SDK2: variants seen among roughly 807,000 people sequenced by gnomAD.
SDK2 encodes sidekick cell adhesion molecule 2, also known as protein sidekick-2.
In SDK2, 105 loss-of-function variants were observed where a neutral mutation model predicts 253.9. That is an observed-to-expected ratio of 0.41 (90% CI 0.35 to 0.49). The LOEUF is 0.49. Ranked by LOEUF, SDK2 falls within the 20% of genes least tolerant of loss-of-function variation. SDK2 has a pLI of 0.06. For synonymous variants in SDK2, 1,249 were observed against 1,234.9 expected (o/e 1.01, Z -0.24); for missense variants, 2,608 against 3,003.0 (o/e 0.87, Z 3.07).
At chr17:73,557,721 T>C (rs1003208990) in intron 1 of SDK2, among the ~76,000 whole-genome samples, 1 of 152,140 alleles carries the variant, frequency 6.6e-6, no homozygotes, top group Admixed American at 6.5e-5. Context: ...TCCTTCCTTG[T>C]TTTTGGGTTG....
rs938872829 is a variant in SDK2 at position 73,616,310 on chromosome 17, C to A, written c.64+27715G>T. On this transcript the variant is annotated intron_variant, in intron 1 of 44. Transcript: ENST00000392650. The surrounding 1 kb of genome is among the most constrained non-coding windows in gnomAD (Gnocchi z 5.2). ...CCTGTCTGAGCTAGACAAATTTCCA[C>A]CCCCGGCTCCCCACCTCAACAGTCT... is the stretch of plus-strand genomic sequence containing the variant. Among the ~76,000 whole-genome samples the A allele has an allele frequency of 6.6e-6, 1 of 151,998 alleles. No individual in the cohort carries two copies. The highest frequency in any genetic ancestry group is 2.4e-5 in the African/African-American group (1 of 41,360).
intron 11 of SDK2, 41 bp from the exon 12 acceptor site, chr17:73,430,654 G>T: frequency 7.2e-7 from 1 of 1,384,152 alleles, no homozygotes; most frequent in East Asian, 2.7e-5. Context: ...GAAGAGGTGT[G>T]GGGGCTGTGT....
Position 73,462,115 on chromosome 17 carries a change from G to A in SDK2, c.332-6062C>T, listed in dbSNP as rs115819770. Among the ~76,000 whole-genome samples, 325 of 152,114 alleles carry A rather than the reference G, an allele frequency of 2.1e-3. 3 individuals are homozygous for A. The highest frequency in any genetic ancestry group is 7.6e-3 in the African/African-American group (316 of 41,488). ...GTGGGATGGATGGTTGTTTATGCAC[G>A]TTTGCATGCATGCATGTTTGGTGGG... On this transcript the variant is annotated intron_variant, in intron 3 of 44. Transcript: ENST00000392650.
At chr17:73,446,193 A>G (rs2063452059) in intron 5 of SDK2, among the ~76,000 whole-genome samples, 1 of 152,136 alleles carries the variant, frequency 6.6e-6, no homozygotes, top group African/African-American at 2.4e-5. Context: ...GGATTCCATG[A>G]GACTCCAGGG....
At position 73,379,405 on chromosome 17, in the gene SDK2, T is replaced by C; in HGVS notation, c.4864+43A>G. 4 of 1,544,422 alleles carry C rather than the reference T, an allele frequency of 2.6e-6. No individual in the cohort carries two copies. The highest frequency in any genetic ancestry group is 3.5e-6 in the Non-Finnish European group (4 of 1,128,158). On this transcript the variant is annotated intron_variant, in intron 35 of 44. Transcript: ENST00000392650. This position sits in a 1 kb window ranked among gnomAD's most constrained non-coding sequence, Gnocchi z 4.5. Reference sequence around the variant, plus strand: ...TTCTTCCAGCTGAACTGGGTGGGGCTGGGAAAGGCATGCTGGGGCCGGACA... The same window carrying C: ...TTCTTCCAGCTGAACTGGGTGGGGCCGGGAAAGGCATGCTGGGGCCGGACA...
At chr17:73,365,813 C>T (rs749607038) in intron 37 of SDK2, among the ~76,000 whole-genome samples, 32 of 152,066 alleles carry the variant, frequency 2.1e-4, no homozygotes, top group Non-Finnish European at 4.1e-4. Context: ...TCAGAATATT[C>T]GGTAGGCGCT....
chr17:73,348,393 G>A lies in SDK2; in HGVS notation c.6165+206C>T, dbSNP rs962720066. ...GGTACCCCCTATGATCAAGGTTCCC[G>A]GGACCCCATTGGCACTGGCCGCAAA... On this transcript the variant is annotated intron_variant, in intron 44 of 44. Transcript: ENST00000392650. 2.0e-5 allele frequency among the ~76,000 whole-genome samples: 3 copies of A among 152,330 alleles called. No individual in the cohort carries two copies. The East Asian group carries it at 5.8e-4, about 29-fold the overall frequency.
intron 13 of SDK2, 61 bp downstream of exon 13, chr17:73,423,855 G>T: frequency 7.2e-7 from 1 of 1,390,206 alleles, no homozygotes; most frequent in Non-Finnish European, 9.7e-7. Flanking sequence ...GGCTGGCTCT[G>T]AGCATGCCAG....
intron 12 of SDK2, among the ~76,000 whole-genome samples, chr17:73,426,843 T>C (rs2063287831): frequency 1.3e-5 from 2 of 151,974 alleles, no homozygotes; most frequent in South Asian, 2.1e-4. Context: ...TCCTAGCACT[T>C]TGGGAGGCCG....
chr17:73,352,441 C>A lies in SDK2; in HGVS notation c.5758+32G>T, dbSNP rs767602704. On this transcript the variant is annotated intron_variant, in intron 41 of 44. Coordinates refer to ENST00000392650, the MANE Select transcript of SDK2 (RefSeq NM_001144952.2). This position sits in a 1 kb window ranked among gnomAD's most constrained non-coding sequence, Gnocchi z 4.1. ...TCAGCCCCCAGGCTCTGCTGTGGGG[C>A]TCCCCCACTCCCTCAGCCCCCAGGC... 2.5e-6 allele frequency: 4 copies of A among 1,590,530 alleles called. No individual in the cohort carries two copies. In the African/African-American group the frequency reaches 5.4e-5, roughly 21 times the overall value.
At chr17:73,412,552 TGTTAAAGAGGTA>T (rs1026384131) in intron 18 of SDK2, among the ~76,000 whole-genome samples, 2 of 152,064 alleles carry the variant, frequency 1.3e-5, no homozygotes, top group Non-Finnish European at 2.9e-5. Context: ...GAGACAGAAT[TGTTAAAGAGGTA>T]GTTAAATGAG....
At chr17:73,588,197 A>ACCCCCCCCCCCC (rs57740393) in intron 1 of SDK2, among the ~76,000 whole-genome samples, 8 of 130,854 alleles carry the variant, frequency 6.1e-5, no homozygotes, top group African/African-American at 1.1e-4. Context: ...ACATGGAGAG[A>ACCCCCCCCCCCC]CCCCCCCCCC....
intron 1 of SDK2, among the ~76,000 whole-genome samples, chr17:73,592,382 A>G (rs1195587761): frequency 6.6e-6 from 1 of 152,228 alleles, no homozygotes; most frequent in African/African-American, 2.4e-5. Context: ...GGACTAATAA[A>G]AATTAAAATG....
intron 24 of SDK2, among the ~76,000 whole-genome samples, chr17:73,397,178 C>T (rs1273382363): frequency 1.3e-5 from 2 of 152,184 alleles, no homozygotes; most frequent in African/African-American, 4.8e-5. Context: ...CTCTATGGAG[C>T]TGTGGTATGT....
intron 27 of SDK2, among the ~76,000 whole-genome samples, chr17:73,392,529 A>T (rs57261530): frequency 0.073 from 11,075 of 152,192 alleles, 1,363 homozygotes; most frequent in African/African-American, 0.25. Context: ...TTGGCTGCCT[A>T]AAGTGCTAGG....
intron 37 of SDK2, among the ~76,000 whole-genome samples, chr17:73,367,318 T>C (rs976062712): frequency 6.6e-6 from 1 of 151,816 alleles, no homozygotes; most frequent in Admixed American, 6.6e-5. Flanking sequence ...CCATTGTACT[T>C]ATAATTAATC....
chr17:73,395,303 C>T lies in SDK2; in HGVS notation c.3444G>A (p.Leu1148=). 5 of 1,614,008 alleles carry T rather than the reference C, an allele frequency of 3.1e-6. No individual in the cohort carries two copies. Among genetic ancestry groups the T allele is most frequent in the Non-Finnish European group, 4.2e-6 (5 of 1,179,894 alleles). Residue 1148 remains leucine (L), a synonymous_variant, in exon 25 of 45, where the codon CTG becomes CTA. Transcript: ENST00000392650. The surrounding 1 kb of genome is among the most constrained non-coding windows in gnomAD (Gnocchi z 4.3). ...YSRSDGHGKT[L]SHVVQDRVER... is the part of the protein sequence containing the mutation. ...CCACACGGTCCTGCACCACGTGGCT[C>T]AGCGTCTTGCCATGCCCGTCTGACC...
chr17:73,515,617 T>C (rs2064019764), intron 1 of SDK2, among the ~76,000 whole-genome samples: 1 of 152,200 alleles, frequency 6.6e-6, no homozygotes, highest in African/African-American at 2.4e-5. Flanking sequence ...GATGAACGCA[T>C]GCAGGCGTGG....
At chr17:73,621,303 C>T (rs1216584867) in intron 1 of SDK2, among the ~76,000 whole-genome samples, 1 of 152,118 alleles carries the variant, frequency 6.6e-6, no homozygotes, top group Non-Finnish European at 1.5e-5. Context: ...AAGTTAGTTC[C>T]CCCTAAAACA....
Sources: allele counts gnomAD v4.1 joint callset (sites outside exome capture counted in the v4.1 genomes callset), GRCh38; gene constraint gnomAD v4.1.1; non-coding constraint Gnocchi (gnomAD v3.1); transcripts MANE v1.5; gene names NCBI Gene and HGNC (gene_info 2026-07-23, HGNC 2026-07-21).